The following DPYD variants were observed in gnomAD, a reference collection of about 807,000 sequenced individuals.
DPYD encodes the protein dihydropyrimidine dehydrogenase [NADP(+)].
In DPYD, 109 loss-of-function variants were observed where a neutral mutation model predicts 116.2. The observed-to-expected ratio is 0.94, with a 90% CI of 0.80 to 1.10. DPYD has a LOEUF of 1.10. Among genes scored for constraint, DPYD ranks in the 50% least tolerant of loss-of-function variants. The probability of loss-of-function intolerance (pLI) is 0.00; values close to 1 mark genes in which losing one functional copy is unlikely to be tolerated. For missense variants in DPYD, 1,302 were observed against 1,254.5 expected (o/e 1.04, Z -0.57); for synonymous variants, 440 against 432.0 (o/e 1.02, Z -0.23).
At chr1:97,345,494 T>C (rs180742851) in intron 16 of DPYD, among the ~76,000 whole-genome samples, 1 of 152,096 alleles carries the variant, frequency 6.6e-6, no homozygotes, top group East Asian at 1.9e-4. Flanking sequence ...AAATTTCATT[T>C]TGAAAACACA....
chr1:97,296,929 T>A (rs1666573800), intron 18 of DPYD, among the ~76,000 whole-genome samples: 1 of 152,190 alleles, frequency 6.6e-6, no homozygotes, highest in Non-Finnish European at 1.5e-5. Context: ...AGTAGGTTTA[T>A]TTAAAAAATG....
chr1:97,591,657 G>A (rs1654529818), intron 10 of DPYD, among the ~76,000 whole-genome samples: 1 of 152,124 alleles, frequency 6.6e-6, no homozygotes, highest in African/African-American at 2.4e-5. Context: ...GCCAATCAGT[G>A]TCATCTTCCC....
chr1:97,643,663 G>T (rs927111179), intron 8 of DPYD, among the ~76,000 whole-genome samples: 3 of 152,138 alleles, frequency 2.0e-5, no homozygotes, highest in Non-Finnish European at 4.4e-5. Context: ...GTTTACAATA[G>T]CAAAGACTTG....
chr1:97,397,551 T>G (rs1028585063), intron 14 of DPYD, among the ~76,000 whole-genome samples: 2 of 152,050 alleles, frequency 1.3e-5, no homozygotes, highest in Non-Finnish European at 2.9e-5. Context: ...CTCCTGCCTA[T>G]CACTGATTTC....
At chr1:97,330,934 A>G (rs1668956561) in intron 16 of DPYD, among the ~76,000 whole-genome samples, 1 of 152,218 alleles carries the variant, frequency 6.6e-6, no homozygotes, top group Admixed American at 6.5e-5. Context: ...ATCTTTGTTG[A>G]CTGAATATTA....
At chr1:97,269,479 C>T (rs528339049) in intron 18 of DPYD, among the ~76,000 whole-genome samples, 1 of 152,168 alleles carries the variant, frequency 6.6e-6, no homozygotes, top group Non-Finnish European at 1.5e-5. Context: ...GCAGCAGTCA[C>T]ACTTCTCGGT....
At chr1:97,667,894 G>T (rs1474069772) in intron 8 of DPYD, among the ~76,000 whole-genome samples, 2 of 152,060 alleles carry the variant, frequency 1.3e-5, no homozygotes, top group Non-Finnish European at 2.9e-5. Flanking sequence ...GAATAAAATT[G>T]TGACACATGC....
At chr1:97,298,818 G>T (rs567269050) in intron 18 of DPYD, among the ~76,000 whole-genome samples, 1 of 152,144 alleles carries the variant, frequency 6.6e-6, no homozygotes, top group African/African-American at 2.4e-5. Context: ...TTAGGGAGTC[G>T]AGTGATTGAT....
At position 97,195,634 on chromosome 1, in the gene DPYD, G is replaced by GTATATATATATA. The variant is rs71071637; in HGVS notation, c.2443-2398_2443-2387dup. On this transcript the variant is annotated intron_variant, in intron 19 of 22. Transcript: ENST00000370192. The stretch of plus-strand genomic sequence containing the variant: ...TATATATGTATGTGTATATGTATGT[G>GTATATATATATA]TATATATATATATATATATATATAT... Among the ~76,000 whole-genome samples the GTATATATATATA allele has an allele frequency of 6.9e-4, 40 of 57,696 alleles. 1 individual carries two copies. The highest frequency in any genetic ancestry group is 8.9e-4 in the Non-Finnish European group (27 of 30,186). 37.9% of individuals were successfully genotyped at this position (57,696 alleles called of 152,430 possible). A position where few individuals can be genotyped will look rare whatever the true frequency, so the allele number is the denominator to read the frequency against.
intron 18 of DPYD, among the ~76,000 whole-genome samples, chr1:97,245,156 A>G (rs1363103648): frequency 1.3e-5 from 2 of 152,146 alleles, no homozygotes; most frequent in Non-Finnish European, 1.5e-5. Context: ...ATTACAAGTC[A>G]CATATACATT....
chr1:97,785,763 G>A (rs566436353), intron 3 of DPYD, among the ~76,000 whole-genome samples: 45 of 125,014 alleles, frequency 3.6e-4, no homozygotes, highest in Non-Finnish European at 6.6e-4. Context: ...CACATTCTCC[G>A]CTCACTGCAA....
intron 3 of DPYD, among the ~76,000 whole-genome samples, chr1:97,754,080 G>C (rs1396540137): frequency 2.0e-5 from 3 of 151,988 alleles, no homozygotes. Flanking sequence ...TGCACATAAA[G>C]AATATGTGGA....
intron 13 of DPYD, among the ~76,000 whole-genome samples, chr1:97,496,240 G>A (rs918775627): frequency 6.6e-6 from 1 of 151,906 alleles, no homozygotes; most frequent in Admixed American, 6.6e-5. Context: ...ATACAACCTT[G>A]AGCCAATATC....
At chr1:97,269,395 T>C (rs1328686862) in intron 18 of DPYD, among the ~76,000 whole-genome samples, 1 of 152,162 alleles carries the variant, frequency 6.6e-6, no homozygotes, top group African/African-American at 2.4e-5. Context: ...TCTAGCCTTC[T>C]CCTCCAAACT....
At chr1:97,355,479 T>A (rs1276164286) in intron 16 of DPYD, among the ~76,000 whole-genome samples, 1 of 152,162 alleles carries the variant, frequency 6.6e-6, no homozygotes, top group Admixed American at 6.5e-5. Context: ...TGTTTTACAA[T>A]ATATCTCATA....
chr1:97,494,253 G>C (rs762849903), intron 13 of DPYD, among the ~76,000 whole-genome samples: 1 of 152,192 alleles, frequency 6.6e-6, no homozygotes, highest in African/African-American at 2.4e-5. Flanking sequence ...TTGGAGTGCA[G>C]AGGTGCGAGC....
At chr1:97,686,577 C>T (rs554169093) in intron 7 of DPYD, among the ~76,000 whole-genome samples, 1 of 127,908 alleles carries the variant, frequency 7.8e-6, no homozygotes, top group Admixed American at 9.9e-5. Flanking sequence ...GCGGAGCTTG[C>T]AGTGAGCCGA....
intron 8 of DPYD, among the ~76,000 whole-genome samples, chr1:97,637,404 T>C (rs534466262): frequency 6.6e-6 from 1 of 152,282 alleles, no homozygotes; most frequent in South Asian, 2.1e-4. Flanking sequence ...CCTTTATGCA[T>C]ATGAATAAAC....
intron 10 of DPYD, among the ~76,000 whole-genome samples, chr1:97,578,871 T>C (rs1653450047): frequency 6.6e-6 from 1 of 152,148 alleles, no homozygotes; most frequent in Admixed American, 6.5e-5. Flanking sequence ...TAGAGACACC[T>C]TGAATCCAGA....
Sources: gnomAD v4.1 joint callset for allele counts (sites outside exome capture counted in the v4.1 genomes callset) on GRCh38, gnomAD v4.1.1 for gene constraint, MANE v1.5 for transcripts, NCBI Gene and HGNC (gene_info 2026-07-23, HGNC 2026-07-21) for gene names.